MYOM3: variants seen among roughly 807,000 people sequenced by gnomAD.
The protein encoded by MYOM3 is myomesin-3.
A neutral mutation model predicts 191.7 loss-of-function variants in MYOM3; 155 were observed. The ratio of observed to expected loss-of-function variants is 0.81; its 90% CI spans 0.71 to 0.92. MYOM3 has a LOEUF of 0.92. Ranked by LOEUF, MYOM3 falls within the 40% of genes least tolerant of loss-of-function variation. MYOM3 has a pLI of 0.00. For missense variants in MYOM3, 1,889 were observed against 1,890.6 expected (o/e 1.00, Z 0.02); for synonymous variants, 757 against 762.9 (o/e 0.99, Z 0.13).
intron 1 of MYOM3, 88 bp from the exon 2 acceptor site, chr1:24,108,742 AGGATGGG>A: frequency 9.8e-7 from 1 of 1,022,206 alleles, no homozygotes; most frequent in Non-Finnish European, 1.4e-6. Flanking sequence ...GGAGGCTGGC[AGGATGGG>A]GGGTGGGGGT....
chr1:24,065,093 T>C (rs1643417665), intron 29 of MYOM3, among the ~76,000 whole-genome samples: 1 of 152,194 alleles, frequency 6.6e-6, no homozygotes. Flanking sequence ...TTTGCACCAA[T>C]GGGACTGATG....
chr1:24,107,382 C>T (rs1044097461), intron 3 of MYOM3, 150 bp from the exon 4 acceptor site: 2 of 673,644 alleles, frequency 3.0e-6, no homozygotes, highest in African/African-American at 3.7e-5. Context: ...GCCTCCAAAA[C>T]AGCCTGGAAG....
intron 9 of MYOM3, among the ~76,000 whole-genome samples, chr1:24,094,535 C>A (rs758515187): frequency 2.6e-5 from 4 of 152,062 alleles, no homozygotes; most frequent in Non-Finnish European, 5.9e-5. Flanking sequence ...TCAGTGCCAG[C>A]GGCTACAATT....
intron 28 of MYOM3, chr1:24,066,299 C>T: frequency 1.4e-6 from 1 of 704,924 alleles, no homozygotes; most frequent in Admixed American, 2.0e-5. Context: ...CAATGTCCTG[C>T]CCCATCCGGG....
chr1:24,080,256 A>G (rs2148550428), intron 19 of MYOM3, 62 bp from the exon 20 acceptor site: 1 of 1,345,180 alleles, frequency 7.4e-7, no homozygotes, highest in Non-Finnish European at 1.0e-6. Flanking sequence ...CCAGCCAGGT[A>G]AGCAGCAAGC....
rs761877185 is a variant in MYOM3, at chr1:24,071,093, C to T, written c.3150+24G>A. 4 of 1,611,200 alleles carry T rather than the reference C, an allele frequency of 2.5e-6. No individual in the cohort carries two copies. In the African/African-American group the frequency reaches 4.0e-5, roughly 16 times the overall value. On this transcript the variant is annotated intron_variant, in intron 25 of 36. Transcript: ENST00000374434. ...CCTCCCCGGCAGGGGAGCCTCACTTCAGGGATTGTGAGCACCCAATTACCG... is the reference window on the plus strand; with the variant it reads ...CCTCCCCGGCAGGGGAGCCTCACTTTAGGGATTGTGAGCACCCAATTACCG...
In MYOM3 at chr1:24,063,815, C is replaced by T. The variant is rs551456393; in HGVS notation, c.3622+257G>A. On this transcript the variant is annotated intron_variant, in intron 30 of 36. Transcript: ENST00000374434. This position sits in a 1 kb window ranked among gnomAD's most constrained non-coding sequence, Gnocchi z 4.5. ...TGAGGAGCCTGGGCCCACTGTGGGA[C>T]GGAGGAGTGAACTCAGGCTTCGGGT... Among the ~76,000 whole-genome samples the T allele has an allele frequency of 5.9e-5, 9 of 152,194 alleles. No homozygotes were observed. Among genetic ancestry groups the T allele is most frequent in the Non-Finnish European group, 7.4e-5 (5 of 68,010 alleles).
At chr1:24,081,881 G>T in intron 18 of MYOM3, 120 bp downstream of exon 18, 2 of 983,228 alleles carry the variant, frequency 2.0e-6, no homozygotes, top group Non-Finnish European at 3.0e-6. Context: ...GATCTCGATG[G>T]CTGAGGCAGG....
At chr1:24,069,352 A>G (rs1643493861) in intron 25 of MYOM3, among the ~76,000 whole-genome samples, 1 of 152,192 alleles carries the variant, frequency 6.6e-6, no homozygotes, top group Non-Finnish European at 1.5e-5. Flanking sequence ...TTTATGCAGA[A>G]CTTTCAAATC....
intron 16 of MYOM3, 51 bp downstream of exon 16, chr1:24,084,417 T>C (rs1319524350): frequency 6.3e-7 from 1 of 1,581,482 alleles, no homozygotes. Flanking sequence ...CAGTCTCAGG[T>C]ATGTCTTTAT....
chr1:24,071,278 G>C, intron 24 of MYOM3, 25 bp from the exon 25 acceptor site: 1 of 1,597,780 alleles, frequency 6.3e-7, no homozygotes, highest in Non-Finnish European at 8.5e-7. Context: ...ACGGGAAGGG[G>C]GTGGGTTGGA....
chr1:24,082,474 C>T, intron 17 of MYOM3, 119 bp downstream of exon 17: 1 of 1,353,922 alleles, frequency 7.4e-7, no homozygotes, highest in Non-Finnish European at 9.7e-7. Flanking sequence ...TCCAGTTTCC[C>T]TCAGAGGGCG....
chr1:24,075,563 G>C, intron 21 of MYOM3, 88 bp from the exon 22 acceptor site: 9 of 1,365,234 alleles, frequency 6.6e-6, no homozygotes, highest in Non-Finnish European at 8.8e-6. Flanking sequence ...TCCAGGGCCT[G>C]CCTGTTGCAC....
At chr1:24,074,614 C>T (rs1643574363) in intron 22 of MYOM3, among the ~76,000 whole-genome samples, 1 of 152,130 alleles carries the variant, frequency 6.6e-6, no homozygotes, top group African/African-American at 2.4e-5. Context: ...GTGACAGGGG[C>T]CCTTGTGGTC....
chr1:24,107,891 C>T, intron 3 of MYOM3, 102 bp downstream of exon 3: 3 of 993,174 alleles, frequency 3.0e-6, no homozygotes, highest in Non-Finnish European at 4.6e-6. Context: ...GGATTTTGGG[C>T]AGGTTCTTTA....
chr1:24,107,897 C>T (rs1643997912), intron 3 of MYOM3, 96 bp downstream of exon 3: 3 of 1,098,552 alleles, frequency 2.7e-6, no homozygotes, highest in Non-Finnish European at 1.3e-6. Flanking sequence ...TGGGCAGGTT[C>T]TTTACACTCG....
In MYOM3 at chr1:24,059,006, G is replaced by A. The variant is rs371192461; in HGVS notation, c.3995-27C>T. ...TGGAAGGGAAATAAGAGACCCCAGC[G>A]ATGAATCCTTTTCTGCCAGCCGCTT... On this transcript the variant is annotated intron_variant, in intron 35 of 36. Transcript: ENST00000374434. The A allele has an allele frequency of 6.3e-6, 10 of 1,579,708 alleles. No homozygotes were observed. In the African/African-American group the frequency reaches 1.1e-4, roughly 17 times the overall value.
chr1:24,082,653 C>T lies in MYOM3; in HGVS notation c.2032G>A (p.Glu678Lys), dbSNP rs760091098. ...GCTGAGCTCTCGCCTACCCCAGCCT[C>T]GCTGACTGACCTGACACAAAACTCG... ...EYEFCVRSVS[E>K]AGVGESSAAT... The change falls in exon 17 of 37, where the codon GAG becomes AAG. Residue 678 changes from glutamate to lysine, a missense_variant. Coordinates refer to ENST00000374434, the MANE Select transcript of MYOM3 (RefSeq NM_152372.4). The T allele has an allele frequency of 8.1e-6, 13 of 1,612,686 alleles. No individual in the cohort carries two copies. Among genetic ancestry groups the T allele is most frequent in the African/African-American group, 2.7e-5 (2 of 74,842 alleles).
At chr1:24,090,662 T>C (rs887064926) in intron 12 of MYOM3, 135 bp downstream of exon 12, 7 of 799,268 alleles carry the variant, frequency 8.8e-6, no homozygotes, top group African/African-American at 8.7e-5. Flanking sequence ...ATCAGACTAG[T>C]GTTTACTGAG....
Sources: gnomAD v4.1 joint callset for allele counts (sites outside exome capture counted in the v4.1 genomes callset) on GRCh38, gnomAD v4.1.1 for gene constraint, Gnocchi (gnomAD v3.1) non-coding constraint, MANE v1.5 for transcripts, NCBI Gene and HGNC (gene_info 2026-07-23, HGNC 2026-07-21) for gene names.